Variants in NSUN6 observed in about 807,000 individuals in gnomAD.
The protein encoded by NSUN6 is NOP2/Sun RNA methyltransferase 6.
Under a neutral mutation model 58.0 loss-of-function variants are expected in NSUN6, and 64 were observed. That is an observed-to-expected ratio of 1.10 (90% confidence interval 0.90 to 1.36). The LOEUF is 1.36. Ranked by LOEUF, NSUN6 falls within the 40% of genes most tolerant of loss-of-function variation. NSUN6 has a pLI of 0.00. For synonymous variants in NSUN6, 231 were observed against 193.9 expected (o/e 1.19, Z -1.59); for missense variants, 701 against 550.1 (o/e 1.27, Z -2.74).
intron 7 of NSUN6, among the ~76,000 whole-genome samples, chr10:18,586,433 G>A (rs2057144723): frequency 6.6e-6 from 1 of 152,196 alleles, no homozygotes; most frequent in Admixed American, 6.5e-5. Flanking sequence ...CTGACTTCAG[G>A]AGTGAAGCCG....
intron 9 of NSUN6, among the ~76,000 whole-genome samples, chr10:18,548,777 C>T (rs950382884): frequency 2.4e-4 from 36 of 152,054 alleles, no homozygotes; most frequent in Non-Finnish European, 3.1e-4. Context: ...CTTGACATGT[C>T]CCAAAATGAA....
At chr10:18,600,452 T>C (rs1459057811) in intron 6 of NSUN6, among the ~76,000 whole-genome samples, 1 of 151,656 alleles carries the variant, frequency 6.6e-6, no homozygotes, top group African/African-American at 2.4e-5. Context: ...TAGTGAGACC[T>C]CATCTCTATA....
intron 3 of NSUN6, among the ~76,000 whole-genome samples, chr10:18,619,309 C>T (rs553947353): frequency 4.6e-5 from 7 of 152,296 alleles, no homozygotes; most frequent in South Asian, 2.1e-4. Flanking sequence ...ACCTTTATGA[C>T]GGAGGGAACT....
chr10:18,576,353 T>C (rs1295996219), intron 8 of NSUN6, among the ~76,000 whole-genome samples: 1 of 152,094 alleles, frequency 6.6e-6, no homozygotes, highest in Non-Finnish European at 1.5e-5. Context: ...TATTAGTGAA[T>C]TGGGACCATT....
intron 3 of NSUN6, among the ~76,000 whole-genome samples, chr10:18,617,185 G>GTTTTT (rs35698731): frequency 4.5e-4 from 58 of 127,626 alleles, no homozygotes; most frequent in Non-Finnish European, 8.0e-4. Flanking sequence ...AGCCTTTCTA[G>GTTTTT]TTTTTTTTTT....
At chr10:18,567,338 A>ATT in intron 8 of NSUN6, among the ~76,000 whole-genome samples, 1 of 148,296 alleles carries the variant, frequency 6.7e-6, no homozygotes, top group East Asian at 2.0e-4. Flanking sequence ...ATTCCATTCC[A>ATT]TTCCATTCTA....
chr10:18,549,647 C>G (rs140081543), intron 9 of NSUN6, among the ~76,000 whole-genome samples: 1 of 152,196 alleles, frequency 6.6e-6, no homozygotes, highest in East Asian at 1.9e-4. Context: ...TACAGGAGAT[C>G]TATGAGTATT....
intron 8 of NSUN6, among the ~76,000 whole-genome samples, chr10:18,560,500 G>A (rs1223327149): frequency 6.6e-6 from 1 of 150,740 alleles, no homozygotes; most frequent in South Asian, 2.1e-4. Context: ...AATGGAGAAA[G>A]GAATAGAAAA....
chr10:18,552,737 CA>C (rs1276554560), intron 8 of NSUN6, among the ~76,000 whole-genome samples: 1 of 150,654 alleles, frequency 6.6e-6, no homozygotes, highest in Non-Finnish European at 1.5e-5. Flanking sequence ...CATTCCACTC[CA>C]TTCAATTCTC....
At position 18,558,534 on chromosome 10, in the gene NSUN6, G is replaced by A. The variant is rs570118862; in HGVS notation, c.923-6563C>T. On this transcript the variant is annotated intron_variant, in intron 8 of 10. Transcript: ENST00000377304. The stretch of plus-strand genomic sequence containing the variant: ...GGAATAGAATATGGAATGGAACGGA[G>A]AATGGAATGGAATGCAGTAGTGAAT... Among the ~76,000 whole-genome samples the A allele has an allele frequency of 1.9e-3, 125 of 65,366 alleles. 2 individuals are homozygous for A. The highest frequency in any genetic ancestry group is 5.6e-3 in the African/African-American group (117 of 20,714). 42.9% of individuals were successfully genotyped at this position (65,366 alleles called of 152,430 possible).
intron 3 of NSUN6, among the ~76,000 whole-genome samples, chr10:18,639,445 G>A (rs975927631): frequency 6.6e-6 from 1 of 152,072 alleles, no homozygotes; most frequent in African/African-American, 2.4e-5. Flanking sequence ...AGTGAACCAA[G>A]GTCACATCAC....
At chr10:18,634,163 CAAACA>C (rs2059133610) in intron 3 of NSUN6, among the ~76,000 whole-genome samples, 1 of 151,932 alleles carries the variant, frequency 6.6e-6, no homozygotes, top group Non-Finnish European at 1.5e-5. Flanking sequence ...AAATGTAAAC[CAAACA>C]AAAGGAAAAA....
chr10:18,610,680 T>G (rs1407524226), intron 5 of NSUN6, among the ~76,000 whole-genome samples: 1 of 152,168 alleles, frequency 6.6e-6, no homozygotes. Flanking sequence ...TCAGATGGCC[T>G]GGTGGAGAAT....
chr10:18,651,857 A>G, upstream of NSUN6: 1 of 985,434 alleles, frequency 1.0e-6, no homozygotes. Flanking sequence ...TGCCAGGGGC[A>G]ATGGGGAAAC....
chr10:18,571,073 T>C (rs1003253961), intron 8 of NSUN6, among the ~76,000 whole-genome samples: 6 of 151,100 alleles, frequency 4.0e-5, no homozygotes, highest in Non-Finnish European at 7.4e-5. Context: ...CTCCATTTCA[T>C]TGCATTCCAT....
At chr10:18,564,232 T>C (rs2055756996) in intron 8 of NSUN6, among the ~76,000 whole-genome samples, 1 of 150,978 alleles carries the variant, frequency 6.6e-6, no homozygotes, top group East Asian at 2.0e-4. Context: ...CCACTCTCTA[T>C]TACATTCCAT....
intron 5 of NSUN6, among the ~76,000 whole-genome samples, chr10:18,613,067 A>G (rs919631897): frequency 2.6e-5 from 4 of 152,128 alleles, no homozygotes; most frequent in East Asian, 1.9e-4. Flanking sequence ...AACTTCCAAC[A>G]GTATAACTGA....
intron 2 of NSUN6, among the ~76,000 whole-genome samples, chr10:18,647,664 T>G (rs2059583686): frequency 6.6e-6 from 1 of 151,318 alleles, no homozygotes; most frequent in South Asian, 2.1e-4. Context: ...ACATTGAAAA[T>G]AGATTCAGAT....
chr10:18,580,792 C>G (rs1411503021), intron 8 of NSUN6, among the ~76,000 whole-genome samples: 2 of 152,160 alleles, frequency 1.3e-5, no homozygotes, highest in Non-Finnish European at 2.9e-5. Flanking sequence ...GAAGCTCTCC[C>G]CAAGTGAACT....
Sources: gnomAD v4.1 joint callset for allele counts (sites outside exome capture counted in the v4.1 genomes callset) on GRCh38, gnomAD v4.1.1 for gene constraint, MANE v1.5 for transcripts, NCBI Gene and HGNC (gene_info 2026-07-23, HGNC 2026-07-21) for gene names.